HSPA12A: variants seen among roughly 807,000 people sequenced by gnomAD.
The protein encoded by HSPA12A is heat shock protein family A (Hsp70) member 12A.
Under a neutral mutation model 69.2 loss-of-function variants are expected in HSPA12A, and 28 were observed. The observed-to-expected ratio is 0.40, with a 90% CI of 0.30 to 0.55. The LOEUF is 0.55. Among genes scored for constraint, HSPA12A ranks in the 20% least tolerant of loss-of-function variants. The pLI is 0.38. For missense variants in HSPA12A, 686 were observed against 900.7 expected (o/e 0.76, Z 3.05); for synonymous variants, 345 against 370.5 (o/e 0.93, Z 0.79).
chr10:116,786,417 G>A (rs568371737), intron 2 of HSPA12A, among the ~76,000 whole-genome samples: 2 of 150,870 alleles, frequency 1.3e-5, no homozygotes, highest in East Asian at 1.9e-4. Context: ...GCACAGGTGC[G>A]TGTGTGCACA....
intron 2 of HSPA12A, among the ~76,000 whole-genome samples, chr10:116,792,259 CAAA>C (rs55642476): frequency 1.6e-5 from 1 of 60,998 alleles, no homozygotes; most frequent in South Asian, 7.5e-4. Flanking sequence ...AACTCGGTCT[CAAA>C]AAAAAAAAAA....
chr10:116,822,116 CT>C (rs1845417737), intron 2 of HSPA12A, among the ~76,000 whole-genome samples: 1 of 152,200 alleles, frequency 6.6e-6, no homozygotes, highest in African/African-American at 2.4e-5. Context: ...TTGGGTTTAT[CT>C]GAGGACATGG....
intron 2 of HSPA12A, among the ~76,000 whole-genome samples, chr10:116,770,042 G>A (rs887078190): frequency 1.1e-4 from 17 of 152,210 alleles, no homozygotes; most frequent in Admixed American, 2.6e-4. Context: ...AGCAGAATGA[G>A]GCAAGTAAGG....
At chr10:116,781,136 A>G (rs1554891756) in intron 2 of HSPA12A, among the ~76,000 whole-genome samples, 1 of 152,150 alleles carries the variant, frequency 6.6e-6, no homozygotes, top group African/African-American at 2.4e-5. Flanking sequence ...TCTACAAAAA[A>G]GAAACTTTTT....
At chr10:116,683,540 T>C in intron 7 of HSPA12A, 1 of 356,966 alleles carries the variant, frequency 2.8e-6, no homozygotes, top group Non-Finnish European at 5.0e-6. Flanking sequence ...CCTCAGATTC[T>C]TAGAGAGAAG....
intron 2 of HSPA12A, among the ~76,000 whole-genome samples, chr10:116,772,822 G>A (rs1844242485): frequency 6.6e-6 from 1 of 152,018 alleles, no homozygotes; most frequent in Non-Finnish European, 1.5e-5. Flanking sequence ...AGGCTCCTAA[G>A]TAGCTGGGAC....
At position 116,674,925 on chromosome 10, in the gene HSPA12A, G is replaced by A. The variant is rs1849182644; in HGVS notation, c.1884C>T (p.Leu628=). 1 of 1,614,056 alleles carries A rather than the reference G, an allele frequency of 6.2e-7. No homozygotes were observed. Among genetic ancestry groups the A allele is most frequent in the Non-Finnish European group, 8.5e-7 (1 of 1,180,050 alleles). Residue 628 remains leucine (L), a synonymous_variant, in exon 12 of 12, where the codon CTC becomes CTT. Coordinates refer to ENST00000369209, the MANE Select transcript of HSPA12A (RefSeq NM_025015.3). ...VKKCGTLRLD[L]TGTSGTAVPA... is the part of the protein sequence containing the mutation. Reference sequence around the variant, plus strand: ...GCACCGCAGTGCCACTGGTCCCTGTGAGATCCAGGCGGAGCGTGCCACACT... The same window carrying A: ...GCACCGCAGTGCCACTGGTCCCTGTAAGATCCAGGCGGAGCGTGCCACACT...
rs148885185 is a variant in HSPA12A, at chr10:116,780,320, C to A, written c.91+54615G>T. Among the ~76,000 whole-genome samples the A allele has an allele frequency of 1.7e-3, 252 of 151,866 alleles. 2 individuals carry two copies. Among genetic ancestry groups the A allele is most frequent in the African/African-American group, 5.6e-3 (233 of 41,486 alleles). ...GAAATCTATAGAGCCCTCCTCAGAA[C>A]AATATTTTTATTTATTTTTATTTTA... is the stretch of plus-strand genomic sequence containing the variant. On this transcript the variant is annotated intron_variant, in intron 2 of 12. Transcript: ENST00000635765.
chr10:116,850,361 C>T (rs896284074), upstream of HSPA12A: 3 of 154,278 alleles, frequency 1.9e-5, no homozygotes, highest in Non-Finnish European at 2.9e-5. Context: ...GGCAGCCTCC[C>T]TAGGCAGCCT....
At chr10:116,714,611 T>C (rs1850550741) in intron 1 of HSPA12A, among the ~76,000 whole-genome samples, 1 of 152,178 alleles carries the variant, frequency 6.6e-6, no homozygotes, top group African/African-American at 2.4e-5. Context: ...GAGAAAGCCA[T>C]CTGGTCAAAA....
intron 2 of HSPA12A, among the ~76,000 whole-genome samples, chr10:116,774,641 G>C (rs1844292348): frequency 1.3e-5 from 2 of 152,208 alleles, no homozygotes; most frequent in Non-Finnish European, 2.9e-5. Flanking sequence ...TCATGGCCCA[G>C]ATCCATCTCT....
At chr10:116,845,522 T>A (rs539033293) in intron 1 of HSPA12A, among the ~76,000 whole-genome samples, 1 of 152,260 alleles carries the variant, frequency 6.6e-6, no homozygotes, top group East Asian at 1.9e-4. Context: ...CTAATATCAT[T>A]TCCTCTTTCT....
intron 2 of HSPA12A, among the ~76,000 whole-genome samples, chr10:116,802,240 A>C (rs1844973232): frequency 6.6e-6 from 1 of 152,192 alleles, no homozygotes; most frequent in Non-Finnish European, 1.5e-5. Flanking sequence ...GAGTAGGACA[A>C]TAATCAGTGA....
chr10:116,815,470 G>A (rs1845285309), intron 2 of HSPA12A, among the ~76,000 whole-genome samples: 1 of 152,158 alleles, frequency 6.6e-6, no homozygotes, highest in Non-Finnish European at 1.5e-5. Context: ...AGCTACTCAG[G>A]AGGCTGAGGC....
chr10:116,777,335 G>C (rs531661884), intron 2 of HSPA12A, among the ~76,000 whole-genome samples: 2 of 152,360 alleles, frequency 1.3e-5, no homozygotes, highest in Admixed American at 1.3e-4. Flanking sequence ...ACTTAAAACA[G>C]TATCTTTTAG....
chr10:116,698,448 C>T lies in HSPA12A; in HGVS notation c.546+187G>A, dbSNP rs1457341531. 2.4e-5 allele frequency: 11 copies of T among 456,284 alleles called. No homozygotes were observed. In the South Asian group the frequency reaches 3.5e-4, roughly 14 times the overall value. 28.3% of individuals were successfully genotyped at this position (456,284 alleles called of 1,614,324 possible). ...TTGCCAAACTGTTTTCCAAAGAGGCCGCACCATTTTACTTTCCCACCAGCA... is the reference window on the plus strand; with the variant it reads ...TTGCCAAACTGTTTTCCAAAGAGGCTGCACCATTTTACTTTCCCACCAGCA... On this transcript the variant is annotated intron_variant, in intron 5 of 11. Coordinates refer to ENST00000369209, the MANE Select transcript of HSPA12A (RefSeq NM_025015.3).
intron 1 of HSPA12A, among the ~76,000 whole-genome samples, chr10:116,725,071 C>A (rs1205803578): frequency 2.0e-5 from 3 of 152,212 alleles, no homozygotes; most frequent in Non-Finnish European, 4.4e-5. Flanking sequence ...GAGACTTGAA[C>A]CCAGGACTTG....
chr10:116,693,998 G>T (rs554109725), intron 5 of HSPA12A, among the ~76,000 whole-genome samples: 1 of 152,236 alleles, frequency 6.6e-6, no homozygotes, highest in Non-Finnish European at 1.5e-5. Context: ...AGGGTATGAT[G>T]TGTGTTGGGA....
At chr10:116,746,722 T>A (rs1415127026), upstream of HSPA12A, among the ~76,000 whole-genome samples, 1 of 152,226 alleles carries the variant, frequency 6.6e-6, no homozygotes, top group African/African-American at 2.4e-5. Context: ...AAAAATGCCA[T>A]TTCCTTGTAT....
Sources: allele counts gnomAD v4.1 joint callset (sites outside exome capture counted in the v4.1 genomes callset), GRCh38; gene constraint gnomAD v4.1.1; transcripts MANE v1.5; gene names NCBI Gene and HGNC (gene_info 2026-07-23, HGNC 2026-07-21).